Variants in ZDHHC14 observed in about 807,000 individuals in gnomAD.
ZDHHC14 encodes zDHHC palmitoyltransferase 14, also known as palmitoyltransferase ZDHHC14.
In ZDHHC14, 16 loss-of-function variants were observed where a neutral mutation model predicts 47.7. That is an observed-to-expected ratio of 0.34 (90% CI 0.23 to 0.51). The LOEUF is 0.51. Ranked by LOEUF, ZDHHC14 falls within the 20% of genes least tolerant of loss-of-function variation. ZDHHC14 has a pLI of 0.97. For synonymous variants in ZDHHC14, 293 were observed against 278.9 expected (o/e 1.05, Z -0.50); for missense variants, 515 against 662.5 (o/e 0.78, Z 2.44).
At chr6:157,458,849 A>ATGTTTTTTTTTTTTTT (rs1778991333) in intron 1 of ZDHHC14, among the ~76,000 whole-genome samples, 1 of 81,226 alleles carries the variant, frequency 1.2e-5, no homozygotes, top group Non-Finnish European at 2.3e-5. Flanking sequence ...ATGTGGGTGG[A>ATGTTTTTTTTTTTTTT]TTTTTTTTTT....
Position 157,463,805 on chromosome 6 carries a change from A to G in ZDHHC14, c.246-78780A>G, listed in dbSNP as rs1779148455. On this transcript the variant is annotated intron_variant, in intron 1 of 8. Transcript: ENST00000359775. The surrounding 1 kb of genome is among the most constrained non-coding windows in gnomAD (Gnocchi z 4.4). ...TTTGGGTGGCTGAGGCAGGCGGATG[A>G]CCTGAGGTCAGGAGTTCGAGACCAG... 6.6e-6 allele frequency among the ~76,000 whole-genome samples: 1 copy of G among 152,142 alleles called. No individual in the cohort carries two copies. Among genetic ancestry groups the G allele is most frequent in the African/African-American group, 2.4e-5 (1 of 41,430 alleles).
intron 1 of ZDHHC14, among the ~76,000 whole-genome samples, chr6:157,528,467 C>T (rs1484968066): frequency 6.6e-6 from 1 of 150,438 alleles, no homozygotes; most frequent in Non-Finnish European, 1.5e-5. Flanking sequence ...CGCAGTGGCT[C>T]ACACCTGTAA....
Sources: gnomAD v4.1 joint callset for allele counts (sites outside exome capture counted in the v4.1 genomes callset) on GRCh38, gnomAD v4.1.1 for gene constraint, Gnocchi (gnomAD v3.1) non-coding constraint, MANE v1.5 for transcripts, NCBI Gene and HGNC (gene_info 2026-07-23, HGNC 2026-07-21) for gene names.